The following KCNQ5 variants were observed in gnomAD, a reference collection of about 807,000 sequenced individuals.
KCNQ5 encodes potassium voltage-gated channel subfamily Q member 5.
Under a neutral mutation model 98.2 loss-of-function variants are expected in KCNQ5, and 30 were observed. The ratio of observed to expected loss-of-function variants is 0.31; its 90% confidence interval spans 0.23 to 0.41. KCNQ5 has a LOEUF of 0.41. Among genes scored for constraint, KCNQ5 ranks in the 10% least tolerant of loss-of-function variants. The probability of loss-of-function intolerance (pLI) is 1.00; values close to 1 mark genes in which losing one functional copy is unlikely to be tolerated. For synonymous variants in KCNQ5, 458 were observed against 449.4 expected (o/e 1.02, Z -0.24); for missense variants, 835 against 1,182.5 (o/e 0.71, Z 4.31).
At chr6:72,715,898 C>T (rs1769623817) in intron 1 of KCNQ5, among the ~76,000 whole-genome samples, 1 of 151,878 alleles carries the variant, frequency 6.6e-6, no homozygotes, top group Admixed American at 6.6e-5. Context: ...TTATGTATAT[C>T]AAAATTCAAA....
At chr6:72,789,610 A>T (rs1773928823) in intron 1 of KCNQ5, among the ~76,000 whole-genome samples, 1 of 152,218 alleles carries the variant, frequency 6.6e-6, no homozygotes, top group African/African-American at 2.4e-5. Flanking sequence ...AGTATACTTC[A>T]TGTGTTAGAT....
chr6:72,973,650 C>T (rs990805705), intron 1 of KCNQ5, among the ~76,000 whole-genome samples: 7 of 152,096 alleles, frequency 4.6e-5, no homozygotes, highest in East Asian at 1.9e-4. Context: ...CTTTGAATTA[C>T]GGTTTTCCAC....
rs367695998 is a variant in KCNQ5, at chr6:73,198,256, G to A, written c.*2842G>A. The A allele has an allele frequency of 7.5e-4, 114 of 152,244 alleles. No individual in the cohort carries two copies. Among genetic ancestry groups the A allele is most frequent in the African/African-American group, 2.7e-3 (112 of 41,548 alleles). 9.4% of individuals were successfully genotyped at this position (152,244 alleles called of 1,614,324 possible). On this transcript the variant is annotated 3_prime_UTR_variant, in exon 14 of 14. Transcript: ENST00000370398. ...TAATTGCAAATATCCCTTGTATGAG[G>A]TTAACTAAAAAAATTTTGCTATGTC... is the stretch of plus-strand genomic sequence containing the variant.
intron 1 of KCNQ5, among the ~76,000 whole-genome samples, chr6:72,712,437 C>T (rs975464448): frequency 6.6e-6 from 1 of 152,162 alleles, no homozygotes; most frequent in Non-Finnish European, 1.5e-5. Context: ...AAAAGCAAGA[C>T]CAGCTTTAAA....
chr6:73,072,517 G>A (rs1773341228), intron 3 of KCNQ5, among the ~76,000 whole-genome samples: 1 of 152,052 alleles, frequency 6.6e-6, no homozygotes, highest in Admixed American at 6.6e-5. Context: ...AAGGCTTTTT[G>A]GTATTTCAGT....
At chr6:72,944,986 G>T (rs993761606) in intron 1 of KCNQ5, among the ~76,000 whole-genome samples, 1 of 151,928 alleles carries the variant, frequency 6.6e-6, no homozygotes, top group Non-Finnish European at 1.5e-5. Context: ...ATTCCCTTAA[G>T]TTATTTTTCT....
chr6:73,190,648 A>T lies in KCNQ5; in HGVS notation c.1653A>T (p.Glu551Asp), dbSNP rs199531139. Reference sequence around the variant, plus strand: ...CATATGATGTAAAAGATGTCATTGAACAATATTCTGCTGGTCATCTGGACA... The same window carrying T: ...CATATGATGTAAAAGATGTCATTGATCAATATTCTGCTGGTCATCTGGACA... The part of the protein sequence containing the change: ...LRPYDVKDVI[E>D]QYSAGHLDML... The change falls in exon 12 of 14, where the codon GAA (glutamate) becomes GAT (aspartate). Residue 551 changes from glutamate (E) to aspartate (D), a missense_variant. Physicochemically the swap from Glu to Asp is conservative, Grantham distance 45. This residue lies in a region of KCNQ5 where 146 missense variants were observed against 256.7 expected (regional missense o/e 0.57). Coordinates refer to ENST00000370398, the MANE Select transcript of KCNQ5 (RefSeq NM_019842.4). 6.3e-7 allele frequency: 1 copy of T among 1,598,310 alleles called. No homozygotes were observed. The highest frequency in any genetic ancestry group is 1.3e-5 in the African/African-American group (1 of 74,572).
intron 8 of KCNQ5, among the ~76,000 whole-genome samples, chr6:73,123,928 A>G (rs527877742): frequency 1.3e-5 from 2 of 152,202 alleles, no homozygotes; most frequent in Non-Finnish European, 2.9e-5. Flanking sequence ...TTAGACCTAC[A>G]TTTGCTAAAA....
In KCNQ5 at chr6:72,979,982, T is replaced by C. The variant is rs181567913; in HGVS notation, c.399-23926T>C. 1.8e-4 allele frequency among the ~76,000 whole-genome samples: 27 copies of C among 152,306 alleles called. 1 individual carries two copies. In the East Asian group the frequency reaches 4.6e-3, roughly 26 times the overall value. On this transcript the variant is annotated intron_variant, in intron 1 of 13. Transcript: ENST00000370398. ...GTCAGGTTTGCCAAAGCTCAGATGGTTGTAGATGTGTGGTGTTATTTCTGA... is the reference window on the plus strand; with the variant it reads ...GTCAGGTTTGCCAAAGCTCAGATGGCTGTAGATGTGTGGTGTTATTTCTGA...
intron 10 of KCNQ5, among the ~76,000 whole-genome samples, chr6:73,151,284 AT>A (rs1434682132): frequency 1.3e-5 from 2 of 152,116 alleles, no homozygotes; most frequent in Non-Finnish European, 2.9e-5. Context: ...TATTTTAGTT[AT>A]TCCTCTTGAT....
intron 1 of KCNQ5, among the ~76,000 whole-genome samples, chr6:72,961,125 T>C (rs938711280): frequency 6.6e-6 from 1 of 152,218 alleles, no homozygotes; most frequent in Admixed American, 6.5e-5. Flanking sequence ...TTCTAAATGG[T>C]TAATAATTTA....
intron 1 of KCNQ5, among the ~76,000 whole-genome samples, chr6:72,832,713 A>G (rs1776336254): frequency 6.6e-6 from 1 of 152,228 alleles, no homozygotes; most frequent in Non-Finnish European, 1.5e-5. Context: ...ACTTCTCTGT[A>G]GAAGAAAGAC....
At chr6:72,814,966 T>C (rs1775427638) in intron 1 of KCNQ5, among the ~76,000 whole-genome samples, 2 of 152,156 alleles carry the variant, frequency 1.3e-5, no homozygotes, top group African/African-American at 4.8e-5. Context: ...TAGAATCTTA[T>C]CAGCTGAATT....
chr6:72,893,666 C>A (rs191980276), intron 1 of KCNQ5, among the ~76,000 whole-genome samples: 3 of 152,170 alleles, frequency 2.0e-5, no homozygotes, highest in Non-Finnish European at 4.4e-5. Context: ...TGAATTTAGA[C>A]CTATTTTTCC....
intron 1 of KCNQ5, among the ~76,000 whole-genome samples, chr6:72,884,819 T>C (rs1466383133): frequency 1.3e-5 from 2 of 152,168 alleles, no homozygotes; most frequent in Middle Eastern, 3.4e-3. Flanking sequence ...GGTTTCACCA[T>C]GTTTCCCAGG....
In KCNQ5 at chr6:72,666,461, A is replaced by G. The variant is rs9293895; in HGVS notation, c.398+43874A>G. Among the ~76,000 whole-genome samples the G allele has an allele frequency of 4.8e-3, 737 of 152,302 alleles. 7 individuals carry two copies. The highest frequency in any genetic ancestry group is 0.017 in the African/African-American group (704 of 41,566). On this transcript the variant is annotated intron_variant, in intron 1 of 13. Coordinates refer to ENST00000370398, the MANE Select transcript of KCNQ5 (RefSeq NM_019842.4). ...AAAGAGCATTTAATATTTTTCGCCA[A>G]ATTTAATAGGCTAAGTGGTTTACTT...
chr6:72,666,175 A>G (rs1766801333), intron 1 of KCNQ5, among the ~76,000 whole-genome samples: 1 of 151,946 alleles, frequency 6.6e-6, no homozygotes, highest in Non-Finnish European at 1.5e-5. Flanking sequence ...ACACATTAAA[A>G]GGTAAAGTTA....
chr6:73,142,515 C>G (rs1225900359), intron 10 of KCNQ5, among the ~76,000 whole-genome samples: 1 of 151,364 alleles, frequency 6.6e-6, no homozygotes, highest in Admixed American at 6.6e-5. Context: ...AAAAAAAAAT[C>G]CTGGCCTCAA....
chr6:73,151,862 T>G (rs1226320320), intron 10 of KCNQ5, among the ~76,000 whole-genome samples: 2 of 152,222 alleles, frequency 1.3e-5, no homozygotes, highest in Non-Finnish European at 2.9e-5. Context: ...AAATCCAATT[T>G]TTTTTACATA....
Sources: allele counts gnomAD v4.1 joint callset (sites outside exome capture counted in the v4.1 genomes callset), GRCh38; gene constraint gnomAD v4.1.1; regional missense constraint gnomAD v4.1.1; transcripts MANE v1.5; gene names NCBI Gene and HGNC (gene_info 2026-07-23, HGNC 2026-07-21).